Variants in NUTM2D observed in about 807,000 individuals in gnomAD.
NUTM2D encodes NUT family member 2A pseudogene.
NUTM2D carries 2 observed loss-of-function variants against 43.5 expected under a neutral mutation model. That is an observed-to-expected ratio of 0.05 (90% confidence interval 0.02 to 0.14). The LOEUF (loss-of-function observed/expected upper bound fraction) is 0.14, where lower values mean the gene tolerates loss of function less well. Ranked by LOEUF, NUTM2D falls within the 10% of genes least tolerant of loss-of-function variation. The pLI is 1.00. For synonymous variants in NUTM2D, 24 were observed against 276.6 expected (o/e 0.09, Z 9.06); for missense variants, 48 against 668.7 (o/e 0.07, Z 10.24).
At chr10:87,369,991 C>G (rs1366900778), downstream of NUTM2D, 9 of 152,206 alleles carry the variant, frequency 5.9e-5, 1 homozygote, top group African/African-American at 1.9e-4. Flanking sequence ...ATCCAGGTGG[C>G]TGCCCTTTTG....
chr10:87,367,766 CG>C (rs1850316741), downstream of NUTM2D: 1 of 79,656 alleles, frequency 1.3e-5, no homozygotes, highest in Admixed American at 1.5e-4. Context: ...GGACTGGCCT[CG>C]GGGCCCTCAA....
intron 1 of NUTM2D, among the ~76,000 whole-genome samples, chr10:87,359,823 G>T (rs1850247184): frequency 6.6e-6 from 1 of 151,976 alleles, no homozygotes; most frequent in Non-Finnish European, 1.5e-5. Context: ...TGCGGAAAGG[G>T]TGGCCCGAAT....
chr10:87,365,404 G>A (rs1850285765), intron 5 of NUTM2D, among the ~76,000 whole-genome samples: 1 of 149,494 alleles, frequency 6.7e-6, no homozygotes, highest in African/African-American at 2.5e-5. Context: ...TTGTGTGTCT[G>A]TGTGGGTGTG....
rs1165391759 is a variant in NUTM2D at position 87,365,808 on chromosome 10, ACC to A, written c.1635+6_1635+7del. ...AGGAAGGACTCACCCTTGCCCAGGT[ACC>A]CCAGGGGCAGGAGGGACCTGGCACA... On this transcript the variant is annotated splice_donor_5th_base_variant and intron_variant, in intron 6 of 6. Transcript: ENST00000381697. The A allele has an allele frequency of 2.3e-6, 2 of 860,072 alleles. No individual in the cohort carries two copies. The highest frequency in any genetic ancestry group is 3.8e-6 in the Non-Finnish European group (2 of 528,674). The allele number at this position is 860,072 out of a possible 1,614,324, so 53.3% of individuals were successfully genotyped here.
chr10:87,369,294 GCTCT>G (rs1172634321), downstream of NUTM2D: 3 of 151,584 alleles, frequency 2.0e-5, no homozygotes, highest in Admixed American at 2.0e-4. Flanking sequence ...AGACCCCAGA[GCTCT>G]CTCTCTCCCT....
At chr10:87,370,501 G>A (rs1850344630), downstream of NUTM2D, 1 of 152,088 alleles carries the variant, frequency 6.6e-6, no homozygotes, top group Admixed American at 6.5e-5. Context: ...CATCCTAGTG[G>A]TTCTGAAGTT....
intron 1 of NUTM2D, among the ~76,000 whole-genome samples, chr10:87,359,988 GAA>G (rs1174381183): frequency 1.3e-5 from 2 of 149,950 alleles, no homozygotes; most frequent in Non-Finnish European, 3.0e-5. Context: ...AGCTGGGAAA[GAA>G]AGGGGTTTAC....
intron 1 of NUTM2D, among the ~76,000 whole-genome samples, chr10:87,359,972 T>C (rs1188499853): frequency 1.4e-4 from 21 of 151,822 alleles, no homozygotes; most frequent in Non-Finnish European, 2.8e-4. Flanking sequence ...TGTTTTGTTA[T>C]GTCTGAGCTG....
At chr10:87,370,452 C>A (rs1051262888), downstream of NUTM2D, 2 of 152,158 alleles carry the variant, frequency 1.3e-5, no homozygotes, top group Non-Finnish European at 2.9e-5. Flanking sequence ...TCTCCATATT[C>A]GAGCCAACAT....
chr10:87,369,284 A>G (rs1850332010), downstream of NUTM2D: 2 of 151,480 alleles, frequency 1.3e-5, no homozygotes. Flanking sequence ...TAAGAAGCAG[A>G]GACCCCAGAG....
chr10:87,367,434 T>C (rs61858526), downstream of NUTM2D: 516,219 of 1,550,948 alleles, frequency 0.33, 76,871 homozygotes, highest in African/African-American at 0.52. Flanking sequence ...GGAGGCTTCT[T>C]GGGGCCCCCT....
chr10:87,369,989 G>C (rs1850339569), downstream of NUTM2D: 1 of 152,084 alleles, frequency 6.6e-6, no homozygotes, highest in Non-Finnish European at 1.5e-5. Context: ...TGATCCAGGT[G>C]GCTGCCCTTT....
Position 87,361,486 on chromosome 10 carries a change from C to T in NUTM2D, c.866+306C>T, listed in dbSNP as rs1200856757. 2.1e-4 allele frequency among the ~76,000 whole-genome samples: 11 copies of T among 52,196 alleles called. 4 individuals carry two copies. Among genetic ancestry groups the T allele is most frequent in the African/African-American group, 6.0e-4 (10 of 16,750 alleles). The allele number at this position is 52,196 out of a possible 152,430, so 34.2% of individuals were successfully genotyped here. ...AGGGTTCCTGGTGTGACGTGAGCTA[C>T]GGTTTGGGTTTAGGTCTTTGAGTAC... On this transcript the variant is annotated intron_variant, in intron 2 of 6. Transcript: ENST00000381697.
chr10:87,367,275 G>A (rs1850310527), downstream of NUTM2D: 1 of 1,587,980 alleles, frequency 6.3e-7, no homozygotes, highest in African/African-American at 1.4e-5. Context: ...AGAGGAACTG[G>A]CAGATGCCAG....
downstream of NUTM2D, chr10:87,370,330 T>C (rs1442072726): frequency 2.0e-5 from 3 of 152,242 alleles, no homozygotes; most frequent in Non-Finnish European, 4.4e-5. Flanking sequence ...AAGAGTGAAA[T>C]TGGTGGACCA....
At position 87,360,781 on chromosome 10, in the gene NUTM2D, C is replaced by G; in HGVS notation, c.467C>G (p.Pro156Arg). ...QAQTLVLTQTPLVWQAPGALC... is the reference protein window; with the variant it reads ...QAQTLVLTQTRLVWQAPGALC... ...CAGACCTTGGTCTTAACTCAGACCC[C>G]CCTCGTCTGGCAGGCTCCAGGCGCC... The change falls in exon 2 of 7, where the codon CCC becomes CGC. Residue 156 changes from proline (P) to arginine (R), a missense_variant. Coordinates refer to ENST00000381697, the MANE Select transcript of NUTM2D (RefSeq NM_001382304.1). 1 of 566,686 alleles carries G rather than the reference C, an allele frequency of 1.8e-6. No individual in the cohort carries two copies. The highest frequency in any genetic ancestry group is 2.3e-6 in the Non-Finnish European group (1 of 433,226). 35.1% of individuals were successfully genotyped at this position (566,686 alleles called of 1,614,324 possible).
chr10:87,365,351 G>C (rs1850284878), intron 5 of NUTM2D, 148 bp downstream of exon 5: 1 of 1,458,798 alleles, frequency 6.9e-7, no homozygotes, highest in Non-Finnish European at 9.2e-7. Flanking sequence ...GTGTGTCTGT[G>C]TGTTGCTGTG....
At position 87,360,991 on chromosome 10, in the gene NUTM2D, CT is replaced by C. The variant is rs1850258346; in HGVS notation, c.678del (p.Pro228HisfsTer75). 2 of 978,760 alleles carry C rather than the reference CT, an allele frequency of 2.0e-6. No homozygotes were observed. The highest frequency in any genetic ancestry group is 2.3e-5 in the Admixed American group (1 of 43,348). 60.6% of individuals were successfully genotyped at this position (978,760 alleles called of 1,614,324 possible). Reference protein sequence around the residue: ...QLPPIVSQGNAGPWPQGAHGE... With the variant: ...QLPPIVSQGNXGPWPQGAHGE... ...CCCCCCATTGTGTCCCAAGGGAATG[CT>C]GGGCCATGGCCACAAGGGGCTCACG... On this transcript the variant is annotated frameshift_variant, in exon 2 of 7. Transcript: ENST00000381697. LOFTEE classifies it high-confidence loss of function.
rs1850263540 is a variant in NUTM2D at position 87,361,694 on chromosome 10, C to T, written c.866+514C>T. On this transcript the variant is annotated intron_variant, in intron 2 of 6. Transcript: ENST00000381697. ...ATGGTCTTGGGTCCTGCACTGGGGC[C>T]GATGCCGGGCAGGTATTTGCATCTT... 3.8e-5 allele frequency among the ~76,000 whole-genome samples: 2 copies of T among 52,456 alleles called. 1 individual carries two copies. The highest frequency in any genetic ancestry group is 8.4e-5 in the Non-Finnish European group (2 of 23,852). 34.4% of individuals were successfully genotyped at this position (52,456 alleles called of 152,430 possible). A position where few individuals can be genotyped will look rare whatever the true frequency, so the allele number is the denominator to read the frequency against.
Sources: allele counts gnomAD v4.1 joint callset (sites outside exome capture counted in the v4.1 genomes callset), GRCh38; gene constraint gnomAD v4.1.1; transcripts MANE v1.5; gene names NCBI Gene and HGNC (gene_info 2026-07-23, HGNC 2026-07-21).